KIAA1549: variants seen among roughly 807,000 people sequenced by gnomAD.
KIAA1549 encodes UPF0606 protein KIAA1549.
KIAA1549 carries 70 observed loss-of-function variants against 156.4 expected under a neutral mutation model. That is an observed-to-expected ratio of 0.45 (90% confidence interval 0.37 to 0.55). The LOEUF (loss-of-function observed/expected upper bound fraction) is 0.55, where lower values mean the gene tolerates loss of function less well. KIAA1549 is among the 20% of genes least tolerant of loss of function. The probability of loss-of-function intolerance (pLI) is 0.00; values close to 1 mark genes in which losing one functional copy is unlikely to be tolerated. For synonymous variants in KIAA1549, 1,103 were observed against 1,066.4 expected (o/e 1.03, Z -0.67); for missense variants, 2,428 against 2,540.9 (o/e 0.96, Z 0.96).
intron 12 of KIAA1549, among the ~76,000 whole-genome samples, chr7:138,872,861 G>C (rs1413568490): frequency 1.3e-5 from 2 of 152,174 alleles, no homozygotes; most frequent in Non-Finnish European, 2.9e-5. Context: ...CCGAGATCAT[G>C]TCTCTACATT....
chr7:138,950,668 A>G (rs1813468746), intron 1 of KIAA1549, among the ~76,000 whole-genome samples: 1 of 152,198 alleles, frequency 6.6e-6, no homozygotes, highest in Non-Finnish European at 1.5e-5. Context: ...GCTTCCAGGC[A>G]CTGTTCCCAG....
intron 13 of KIAA1549, among the ~76,000 whole-genome samples, chr7:138,870,704 C>T (rs1233636181): frequency 6.6e-6 from 1 of 152,186 alleles, no homozygotes; most frequent in Non-Finnish European, 1.5e-5. Context: ...CTCCAACAAG[C>T]GTGATGTTTT....
chr7:138,903,641 T>C lies in KIAA1549; in HGVS notation c.3616A>G (p.Arg1206Gly), dbSNP rs778268872. ...GTGGCCCTTCTCCACATCCGCCTTC[T>C]GGTGGAAACCTCGCTGAGCAGCTGG... is the stretch of plus-strand genomic sequence containing the variant. ...LAQLLSEVST[R>G]RRMWRRATVA... Residue 1206 changes from arginine to glycine, a missense_variant, in exon 8 of 20, where the codon AGA (arginine) becomes GGA (glycine). By Grantham distance (125) the Arg-to-Gly change is moderately radical. Coordinates refer to ENST00000422774, the MANE Select transcript of KIAA1549 (RefSeq NM_001164665.2). 2.5e-6 allele frequency: 4 copies of C among 1,613,572 alleles called. No individual in the cohort carries two copies. The South Asian group carries it at 4.4e-5, about 18-fold the overall frequency.
Position 138,905,029 on chromosome 7 carries a change from G to T in KIAA1549, c.3513C>A (p.Val1171=), listed in dbSNP as rs747401487. ...NLSQLLKSSW[V]RTVLLGVMEK... ...TACATAAGTTAAACATACCTGTTCTGACCCAAGAGGACTTCAGCAACTGAG... is the reference window on the plus strand; with the variant it reads ...TACATAAGTTAAACATACCTGTTCTTACCCAAGAGGACTTCAGCAACTGAG... Residue 1171 remains valine (V), a synonymous_variant, in exon 7 of 20, where the codon GTC becomes GTA. Transcript: ENST00000422774. 1.3e-6 allele frequency: 2 copies of T among 1,568,574 alleles called. No individual in the cohort carries two copies. The highest frequency in any genetic ancestry group is 2.3e-5 in the South Asian group (2 of 85,176).
rs564546564 is a variant in KIAA1549, at chr7:138,870,929, T to C, written c.4551+228A>G. ...CCCTCCCGGGTTCAAGTGATTCTCC[T>C]GCCTCAGCCTCCTGAGCAGCTGGGA... On this transcript the variant is annotated intron_variant, in intron 13 of 19. Coordinates refer to ENST00000422774, the MANE Select transcript of KIAA1549 (RefSeq NM_001164665.2). Among the ~76,000 whole-genome samples, 14 of 152,298 alleles carry C rather than the reference T, an allele frequency of 9.2e-5. No individual in the cohort carries two copies. In the East Asian group the frequency reaches 1.9e-3, roughly 21 times the overall value.
intron 1 of KIAA1549, among the ~76,000 whole-genome samples, chr7:138,920,362 T>A (rs60054235): frequency 6.6e-6 from 1 of 152,042 alleles, no homozygotes; most frequent in African/African-American, 2.4e-5. Context: ...AAATGAACTA[T>A]CTGATCACTA....
rs1812464645 is a variant in KIAA1549, at chr7:138,919,241, T to C, written c.385A>G (p.Thr129Ala). The change falls in exon 2 of 20, where the codon ACC becomes GCC. Residue 129 changes from threonine (T) to alanine (A), a missense_variant. Physicochemically the swap from Thr to Ala is moderately conservative, Grantham distance 58. Coordinates refer to ENST00000422774, the MANE Select transcript of KIAA1549 (RefSeq NM_001164665.2). ...DTAFFNQGKQTKSTADPSIFV... is the reference protein window; with the variant it reads ...DTAFFNQGKQAKSTADPSIFV... ...ATGCTGGGATCTGCTGTACTTTTGG[T>C]CTGTTTTCCTTGGTTAAAAAAGGCT... 6.2e-7 allele frequency: 1 copy of C among 1,613,986 alleles called. No homozygotes were observed. Among genetic ancestry groups the C allele is most frequent in the East Asian group, 2.2e-5 (1 of 44,870 alleles).
At chr7:138,881,351 C>A in intron 11 of KIAA1549, 37 bp downstream of exon 11, 1 of 1,583,858 alleles carries the variant, frequency 6.3e-7, no homozygotes, top group Admixed American at 1.7e-5. Flanking sequence ...GAAGCATGCT[C>A]TGCAACAAAG....
rs1423632158 is a variant in KIAA1549, at chr7:138,881,515, T to A, written c.4102A>T (p.Ile1368Leu). 2.5e-6 allele frequency: 4 copies of A among 1,613,928 alleles called. No homozygotes were observed. Among genetic ancestry groups the A allele is most frequent in the Non-Finnish European group, 3.4e-6 (4 of 1,179,904 alleles). The change falls in exon 11 of 20, where the codon ATA (isoleucine) becomes TTA (leucine). Residue 1368 changes from isoleucine (I) to leucine (L), a missense_variant. Transcript: ENST00000422774. ...QHLGQHNKDDILIIHEPAPLP... is the reference protein window; with the variant it reads ...QHLGQHNKDDLLIIHEPAPLP... ...GGCGCTGGCTCATGAATAATCAATA[T>A]GTCGTCTTTATTGTGCTGACCCAGA... is the stretch of plus-strand genomic sequence containing the variant.
intron 2 of KIAA1549, among the ~76,000 whole-genome samples, chr7:138,912,938 A>C (rs1812211296): frequency 6.6e-6 from 1 of 152,118 alleles, no homozygotes; most frequent in Non-Finnish European, 1.5e-5. Flanking sequence ...GCAGTGGCGC[A>C]ATCTTGGCTC....
At chr7:138,959,869 A>G (rs1813785933) in intron 1 of KIAA1549, among the ~76,000 whole-genome samples, 1 of 152,222 alleles carries the variant, frequency 6.6e-6, no homozygotes, top group Non-Finnish European at 1.5e-5. Flanking sequence ...GCTCTCAAGG[A>G]CTAACAATTT....
At position 138,946,979 on chromosome 7, in the gene KIAA1549, TC is replaced by T. The variant is rs368612005; in HGVS notation, c.188-27542del. On this transcript the variant is annotated intron_variant, in intron 1 of 19. Transcript: ENST00000422774. Reference sequence around the variant, plus strand: ...GGGAGCAGGTAAACAACCCCTGGTCTCCCAGCAGCCCCCACTGCCAACGGGT... The same window carrying T: ...GGGAGCAGGTAAACAACCCCTGGTCTCCAGCAGCCCCCACTGCCAACGGGT... Among the ~76,000 whole-genome samples, 405 of 152,246 alleles carry T rather than the reference TC, an allele frequency of 2.7e-3. 3 individuals carry two copies. The highest frequency in any genetic ancestry group is 9.2e-3 in the African/African-American group (381 of 41,540).
In KIAA1549 at chr7:138,895,880, C is replaced by T. The variant is rs748082041; in HGVS notation, c.3848-1354G>A. On this transcript the variant is annotated intron_variant, in intron 9 of 19. Transcript: ENST00000422774. ...ACCTTTGAAACATGACTCATCGAAA[C>T]GGCATTATTTAAGCTACCAGTTGTC... Among the ~76,000 whole-genome samples, 7 of 152,050 alleles carry T rather than the reference C, an allele frequency of 4.6e-5. No individual in the cohort carries two copies. The South Asian group carries it at 8.3e-4, about 18-fold the overall frequency.
intron 1 of KIAA1549, among the ~76,000 whole-genome samples, chr7:138,975,867 C>T (rs1814362491): frequency 6.6e-6 from 1 of 152,156 alleles, no homozygotes; most frequent in Non-Finnish European, 1.5e-5. Context: ...GTGGCTCCCA[C>T]GTCCCTAGTG....
rs1371388760 is a variant in KIAA1549, at chr7:138,981,192, C to T, written c.78G>A (p.Gly26=). The T allele has an allele frequency of 2.8e-6, 3 of 1,090,034 alleles. No individual in the cohort carries two copies. Among genetic ancestry groups the T allele is most frequent in the African/African-American group, 3.4e-5 (2 of 59,412 alleles). The allele number at this position is 1,090,034 out of a possible 1,614,324, so 67.5% of individuals were successfully genotyped here. ...KPRAGVALAP[G]PSGRRPSARC... is the part of the protein sequence containing the mutation. ...GGGCGGAAGGCCGTCGGCCGCTCGG[C>T]CCCGGGGCCAGCGCGACCCCGGCGC... The change falls in exon 1 of 20, where the codon GGG becomes GGA. Residue 26 remains glycine, a synonymous_variant. Transcript: ENST00000422774. This position sits in a 1 kb window ranked among gnomAD's most constrained non-coding sequence, Gnocchi z 4.5.
intron 15 of KIAA1549, among the ~76,000 whole-genome samples, chr7:138,863,241 G>T (rs968857605): frequency 6.6e-6 from 1 of 151,436 alleles, no homozygotes; most frequent in Middle Eastern, 3.2e-3. Context: ...GTGAGGAAGG[G>T]TGGGCGGCTT....
At chr7:138,883,036 G>A (rs908570665) in intron 10 of KIAA1549, among the ~76,000 whole-genome samples, 2 of 145,704 alleles carry the variant, frequency 1.4e-5, no homozygotes, top group Non-Finnish European at 3.0e-5. Flanking sequence ...CAGATCACCT[G>A]AGGTCAGGAG....
chr7:138,973,202 C>A (rs934252267), intron 1 of KIAA1549, among the ~76,000 whole-genome samples: 1 of 152,222 alleles, frequency 6.6e-6, no homozygotes, highest in Admixed American at 6.5e-5. Context: ...TCCACCAACC[C>A]TCCTGCCACC....
intron 5 of KIAA1549, among the ~76,000 whole-genome samples, chr7:138,907,657 A>G (rs1812045128): frequency 6.6e-6 from 1 of 152,162 alleles, no homozygotes; most frequent in Non-Finnish European, 1.5e-5. Context: ...AGCTGAGTGT[A>G]TTGCCTTCCT....
Sources: gnomAD v4.1 joint callset for allele counts (sites outside exome capture counted in the v4.1 genomes callset) on GRCh38, gnomAD v4.1.1 for gene constraint, Gnocchi (gnomAD v3.1) non-coding constraint, MANE v1.5 for transcripts, NCBI Gene and HGNC (gene_info 2026-07-23, HGNC 2026-07-21) for gene names.